The following TUT7 variants were observed in gnomAD, a reference collection of about 807,000 sequenced individuals.
TUT7 encodes the protein terminal uridylyltransferase 7.
Under a neutral mutation model 165.9 loss-of-function variants are expected in TUT7, and 33 were observed. The ratio of observed to expected loss-of-function variants is 0.20; its 90% confidence interval spans 0.15 to 0.27. The LOEUF (loss-of-function observed/expected upper bound fraction) is 0.27, where lower values mean the gene tolerates loss of function less well. Ranked by LOEUF, TUT7 falls within the 10% of genes least tolerant of loss-of-function variation. The pLI, the probability that TUT7 is intolerant of heterozygous loss-of-function variation, is 1.00. For missense variants in TUT7, 1,338 were observed against 1,762.3 expected, an observed-to-expected ratio of 0.76 and a Z score of 4.31; for synonymous variants, 552 against 608.1, an observed-to-expected ratio of 0.91 and a Z score of 1.36.
chr9:86,299,751 C>T (rs996459592), intron 26 of TUT7, among the ~76,000 whole-genome samples: 2 of 151,982 alleles, frequency 1.3e-5, no homozygotes, highest in African/African-American at 2.4e-5. Context: ...TTGCTGCTAG[C>T]GAGAAAAAAG....
intron 26 of TUT7, among the ~76,000 whole-genome samples, chr9:86,297,704 C>A (rs1826458666): frequency 6.6e-6 from 1 of 152,026 alleles, no homozygotes; most frequent in South Asian, 2.1e-4. Context: ...TAAGTAGCTA[C>A]CCTGCCTCCA....
At chr9:86,316,573 T>G (rs957916101) in intron 17 of TUT7, among the ~76,000 whole-genome samples, 2 of 152,244 alleles carry the variant, frequency 1.3e-5, no homozygotes, top group Admixed American at 1.3e-4. Flanking sequence ...CTCCTACACT[T>G]TGACTTATAC....
rs1297204331 is a variant in TUT7, at chr9:86,323,316, G to T, written c.2434C>A (p.Leu812Ile). 1 of 1,613,950 alleles carries T rather than the reference G, an allele frequency of 6.2e-7. No individual in the cohort carries two copies. The highest frequency in any genetic ancestry group is 1.3e-5 in the African/African-American group (1 of 74,888). ...GLATLDNKAD[L>I]DGESTEGTEE... ...GTACCTTCTGTACTTTCTCCATCAAGATCAGCCTTGTTATCTAAAGTGGCA... is the reference window on the plus strand; with the variant it reads ...GTACCTTCTGTACTTTCTCCATCAATATCAGCCTTGTTATCTAAAGTGGCA... Residue 812 changes from leucine to isoleucine, a missense_variant, in exon 13 of 27, where the codon CTT (leucine) becomes ATT (isoleucine). Physicochemically the swap from Leu to Ile is conservative, Grantham distance 5. This residue lies in a region of TUT7 where 425 missense variants were observed against 474.9 expected (regional missense o/e 0.89). Transcript: ENST00000375963.
chr9:86,297,172 C>T (rs1826399145), intron 26 of TUT7, among the ~76,000 whole-genome samples: 1 of 152,142 alleles, frequency 6.6e-6, no homozygotes, highest in Non-Finnish European at 1.5e-5. Context: ...ATTTCTCTCT[C>T]AACTGAACAA....
chr9:86,305,171 T>G, intron 23 of TUT7, 21 bp downstream of exon 23: 4 of 1,584,960 alleles, frequency 2.5e-6, no homozygotes, highest in Non-Finnish European at 3.4e-6. Context: ...AAAAATAAAA[T>G]TGACAAACGA....
At chr9:86,316,027 C>T (rs901483834) in intron 17 of TUT7, among the ~76,000 whole-genome samples, 83 of 152,106 alleles carry the variant, frequency 5.5e-4, no homozygotes, top group African/African-American at 1.9e-3. Flanking sequence ...TGTTCCTAAC[C>T]GAAATGTACA....
At chr9:86,352,639 C>CT in intron 2 of TUT7, 41 bp downstream of exon 2, 1 of 1,607,880 alleles carries the variant, frequency 6.2e-7, no homozygotes, top group Non-Finnish European at 8.5e-7. Flanking sequence ...TAAAACATTG[C>CT]TGACTCTGGG....
intron 17 of TUT7, among the ~76,000 whole-genome samples, chr9:86,316,591 A>G (rs1483037513): frequency 6.6e-6 from 1 of 152,250 alleles, no homozygotes; most frequent in African/African-American, 2.4e-5. Context: ...TACAACGCCA[A>G]CAAAGGAAAA....
intron 24 of TUT7, among the ~76,000 whole-genome samples, chr9:86,304,597 GA>G (rs375190282): frequency 2.1e-5 from 3 of 144,780 alleles, no homozygotes; most frequent in South Asian, 4.3e-4. Flanking sequence ...CAGATAACCA[GA>G]AAAAAAAAAG....
At chr9:86,347,756 T>C (rs1831900942) in intron 2 of TUT7, among the ~76,000 whole-genome samples, 1 of 152,100 alleles carries the variant, frequency 6.6e-6, no homozygotes, top group Non-Finnish European at 1.5e-5. Context: ...TACTAAAAGG[T>C]AAGTTGTCAT....
chr9:86,343,014 C>T (rs1831448555), intron 6 of TUT7, 61 bp downstream of exon 6: 1 of 1,099,560 alleles, frequency 9.1e-7, no homozygotes, highest in Admixed American at 1.9e-5. Context: ...AGACAGTTTA[C>T]ATTTGTAAGA....
chr9:86,322,589 A>G (rs1193653205), intron 13 of TUT7, 114 bp from the exon 14 acceptor site: 10 of 1,291,032 alleles, frequency 7.7e-6, no homozygotes, highest in Middle Eastern at 1.9e-4. Context: ...AAAGGAAATG[A>G]AAATATAACA....
At chr9:86,337,565 G>C (rs1305986064) in intron 9 of TUT7, 27 bp from the exon 10 acceptor site, 1 of 1,582,082 alleles carries the variant, frequency 6.3e-7, no homozygotes, top group African/African-American at 1.4e-5. Context: ...AGAAAGTTAA[G>C]CATTCTTTTT....
chr9:86,318,384 A>T (rs1176722986), intron 16 of TUT7, among the ~76,000 whole-genome samples: 1 of 152,232 alleles, frequency 6.6e-6, no homozygotes, highest in Non-Finnish European at 1.5e-5. Context: ...TTTATTTACA[A>T]AAACAGGCAG....
At chr9:86,329,538 AAAACAAAAAAC>A (rs1245593529) in intron 10 of TUT7, among the ~76,000 whole-genome samples, 2 of 150,758 alleles carry the variant, frequency 1.3e-5, no homozygotes, top group Admixed American at 6.6e-5. Context: ...AAAAAAAAAC[AAAACAAAAAAC>A]AAACAAAAAC....
chr9:86,342,175 T>C (rs1468361649), intron 6 of TUT7, among the ~76,000 whole-genome samples: 1 of 152,062 alleles, frequency 6.6e-6, no homozygotes, highest in Non-Finnish European at 1.5e-5. Flanking sequence ...AATCTGGATT[T>C]TTTTTGAGAG....
rs1169028439 is a variant in TUT7, at chr9:86,340,059, C to G, written c.1185G>C (p.Val395=). Residue 395 remains valine, a synonymous_variant, in exon 8 of 27, where the codon GTG becomes GTC. Transcript: ENST00000375963. ...VDADFHARVP[V]VVCREKQSGL... is the part of the protein sequence containing the mutation. Reference sequence around the variant, plus strand: ...ACCTTTGCTTTTCTCTGCACACCACCACTGGCACCCTAGCATGGAAGTCTG... The same window carrying G: ...ACCTTTGCTTTTCTCTGCACACCACGACTGGCACCCTAGCATGGAAGTCTG... 6.2e-7 allele frequency: 1 copy of G among 1,613,922 alleles called. No homozygotes were observed. The highest frequency in any genetic ancestry group is 1.7e-5 in the Admixed American group (1 of 60,014).
chr9:86,303,321 A>C, intron 24 of TUT7, 120 bp from the exon 25 acceptor site: 1 of 524,642 alleles, frequency 1.9e-6, no homozygotes, highest in South Asian at 3.1e-5. Context: ...CTTTTAATAA[A>C]TATTATTTAT....
chr9:86,323,045 G>A lies in TUT7; in HGVS notation c.2705C>T (p.Ala902Val), dbSNP rs747555350. The change falls in exon 13 of 27, where the codon GCT (alanine) becomes GTT (valine). Residue 902 changes from alanine to valine, a missense_variant. Ala to Val is a moderately conservative substitution (Grantham distance 64). Around this residue, in one of 7 missense-constraint regions of TUT7, gnomAD observed 425 missense variants for 474.9 expected, o/e 0.89. Transcript: ENST00000375963. ...TTCTTTCACGTCTTCATACTTAGCA[G>A]CTTCGCCTAACTCATCATCCTCTTC... The part of the protein sequence containing the change: ...LSEEDDELGE[A>V]AKYEDVKECG... 4.1e-5 allele frequency: 66 copies of A among 1,613,978 alleles called. No homozygotes were observed. Among genetic ancestry groups the A allele is most frequent in the Non-Finnish European group, 5.5e-5 (65 of 1,180,026 alleles).
Sources: gnomAD v4.1 joint callset for allele counts (sites outside exome capture counted in the v4.1 genomes callset) on GRCh38, gnomAD v4.1.1 for gene constraint, gnomAD v4.1.1 regional missense constraint, MANE v1.5 for transcripts, NCBI Gene and HGNC (gene_info 2026-07-23, HGNC 2026-07-21) for gene names.